Variants in SLC39A10 observed in about 807,000 individuals in gnomAD.
SLC39A10 encodes zinc transporter ZIP10.
In SLC39A10, 13 loss-of-function variants were observed where a neutral mutation model predicts 65.1. The observed-to-expected ratio is 0.20, with a 90% CI of 0.13 to 0.32. SLC39A10 has a LOEUF of 0.32. SLC39A10 is among the 10% of genes least tolerant of loss of function. SLC39A10 has a pLI of 1.00. For missense variants in SLC39A10, 831 were observed against 1,018.4 expected (o/e 0.82, Z 2.50); for synonymous variants, 321 against 342.2 (o/e 0.94, Z 0.68).
In SLC39A10 at chr2:195,735,123, C is replaced by T; in HGVS notation, c.*82C>T. On this transcript the variant is annotated 3_prime_UTR_variant, in exon 10 of 10. Transcript: ENST00000359634. The stretch of plus-strand genomic sequence containing the variant: ...TTCCTTGTACTGTATGCACATTGCT[C>T]AAAGGAAAGTCAGTGGCTTGCACTA... 2.1e-6 allele frequency: 3 copies of T among 1,403,620 alleles called. No homozygotes were observed. Among genetic ancestry groups the T allele is most frequent in the Admixed American group, 2.5e-5 (1 of 39,498 alleles). The allele number at this position is 1,403,620 out of a possible 1,614,324, so 86.9% of individuals were successfully genotyped here.
In SLC39A10 at chr2:195,680,750, A is replaced by C; in HGVS notation, c.708A>C (p.Lys236Asn). Residue 236 changes from lysine to asparagine, a missense_variant, in exon 2 of 10, where the codon AAA becomes AAC. Physicochemically the swap from Lys to Asn is moderately conservative, Grantham distance 94. Coordinates refer to ENST00000359634, the MANE Select transcript of SLC39A10 (RefSeq NM_020342.3). ...VKLPKGKRKK[K>N]GRKSNENSEV... ...TACCGAAAGGAAAGAGGAAGAAAAA[A>C]GGGAGGAAAAGTAATGAAAATTCTG... The C allele has an allele frequency of 6.2e-7, 1 of 1,614,188 alleles. No individual in the cohort carries two copies. The highest frequency in any genetic ancestry group is 8.5e-7 in the Non-Finnish European group (1 of 1,180,038).
Position 195,737,603 on chromosome 2 carries a change from GTTT to G in SLC39A10, c.*2572_*2574del, listed in dbSNP as rs5837477. ...AAAAAGCTGGAAAATATCAAATGCTGTTTTTTTTTTTTCATTGTCAACAGTGGT... is the reference window on the plus strand; with the variant it reads ...AAAAAGCTGGAAAATATCAAATGCTGTTTTTTTTTCATTGTCAACAGTGGT... On this transcript the variant is annotated 3_prime_UTR_variant, in exon 10 of 10. Transcript: ENST00000359634. 28 of 167,976 alleles carry G rather than the reference GTTT, an allele frequency of 1.7e-4. No individual in the cohort carries two copies. The highest frequency in any genetic ancestry group is 2.1e-4 in the Non-Finnish European group (17 of 79,140). The allele number at this position is 167,976 out of a possible 1,614,324, so 10.4% of individuals were successfully genotyped here. A position where few individuals can be genotyped will look rare whatever the true frequency, so the allele number is the denominator to read the frequency against.
chr2:195,709,133 T>C (rs1207083915), intron 5 of SLC39A10, among the ~76,000 whole-genome samples: 13 of 152,098 alleles, frequency 8.5e-5, no homozygotes, highest in Admixed American at 8.5e-4. Flanking sequence ...CAGGTGATCC[T>C]TTTGCCCCAG....
chr2:195,651,248 G>A (rs1159876348), intron 2 of SLC39A10, among the ~76,000 whole-genome samples: 1 of 151,970 alleles, frequency 6.6e-6, no homozygotes, highest in Non-Finnish European at 1.5e-5. Context: ...CTACCGCATG[G>A]GTCCAACTTC....
intron 2 of SLC39A10, among the ~76,000 whole-genome samples, chr2:195,647,643 T>G (rs1164121277): frequency 6.6e-6 from 1 of 151,854 alleles, no homozygotes; most frequent in Non-Finnish European, 1.5e-5. Context: ...TATACCTATA[T>G]CTAACATAGC....
chr2:195,701,736 C>T (rs1295002847), intron 3 of SLC39A10, among the ~76,000 whole-genome samples: 1 of 151,958 alleles, frequency 6.6e-6, no homozygotes, highest in Non-Finnish European at 1.5e-5. Flanking sequence ...GGCTGGAGTG[C>T]AGTGGCATGA....
At chr2:195,638,966 T>G (rs1688747321) in intron 2 of SLC39A10, among the ~76,000 whole-genome samples, 1 of 151,290 alleles carries the variant, frequency 6.6e-6, no homozygotes, top group Non-Finnish European at 1.5e-5. Flanking sequence ...TTTTTTTTGT[T>G]TTTGTTTTTG....
At chr2:195,671,099 A>G (rs754873479) in intron 1 of SLC39A10, among the ~76,000 whole-genome samples, 2 of 152,286 alleles carry the variant, frequency 1.3e-5, no homozygotes, top group Non-Finnish European at 2.9e-5. Context: ...CCCCACACCA[A>G]AGTATAATCA....
At chr2:195,624,912 TTAGTA>T (rs952427073) in intron 2 of SLC39A10, among the ~76,000 whole-genome samples, 7 of 142,164 alleles carry the variant, frequency 4.9e-5, no homozygotes, top group Non-Finnish European at 7.6e-5. Flanking sequence ...AAAAAAAAGT[TTAGTA>T]AACTTCTAAA....
At position 195,658,049 on chromosome 2, in the gene SLC39A10, C is replaced by T. The variant is rs564616581; in HGVS notation, c.-12+768C>T. On this transcript the variant is annotated intron_variant, in intron 1 of 9. Coordinates refer to ENST00000359634, the MANE Select transcript of SLC39A10 (RefSeq NM_020342.3). ...GGTGGCGCGGCCGCACGGCTTTGTTCCGGAAAGCCCTTAGGTGGAGAGCGA... is the reference window on the plus strand; with the variant it reads ...GGTGGCGCGGCCGCACGGCTTTGTTTCGGAAAGCCCTTAGGTGGAGAGCGA... The T allele has an allele frequency of 3.0e-3, 461 of 152,498 alleles. 4 individuals carry two copies. Among genetic ancestry groups the T allele is most frequent in the Non-Finnish European group, 5.4e-3 (372 of 68,262 alleles). The allele number at this position is 152,498 out of a possible 1,614,324, so 9.4% of individuals were successfully genotyped here.
At chr2:195,636,482 T>C (rs1315572107) in intron 2 of SLC39A10, among the ~76,000 whole-genome samples, 1 of 152,244 alleles carries the variant, frequency 6.6e-6, no homozygotes. Flanking sequence ...CCTGGCGCAG[T>C]GGCTCACGCC....
intron 3 of SLC39A10, among the ~76,000 whole-genome samples, chr2:195,687,545 T>C (rs1690573822): frequency 6.6e-6 from 1 of 152,234 alleles, no homozygotes; most frequent in Non-Finnish European, 1.5e-5. Flanking sequence ...AATATGTTAC[T>C]AATAGTGAAT....
At chr2:195,615,736 A>C (rs1688193029) in intron 2 of SLC39A10, among the ~76,000 whole-genome samples, 2 of 152,220 alleles carry the variant, frequency 1.3e-5, no homozygotes, top group Admixed American at 1.3e-4. Context: ...TTTCTTAAGG[A>C]AATCACACTA....
intron 9 of SLC39A10, among the ~76,000 whole-genome samples, chr2:195,730,208 A>G (rs1692390763): frequency 1.3e-5 from 2 of 152,084 alleles, no homozygotes; most frequent in Non-Finnish European, 2.9e-5. Flanking sequence ...ACCATTGACC[A>G]TGGCATCGCT....
rs1163473098 is a variant in SLC39A10 at position 195,695,303 on chromosome 2, T to C, written c.1217-11313T>C. Among the ~76,000 whole-genome samples the C allele has an allele frequency of 3.3e-5, 5 of 152,138 alleles. No homozygotes were observed. The East Asian group carries it at 9.6e-4, about 29-fold the overall frequency. On this transcript the variant is annotated intron_variant, in intron 3 of 9. Coordinates refer to ENST00000359634, the MANE Select transcript of SLC39A10 (RefSeq NM_020342.3). ...CCGCTGTGGGGGATGGGGATGTGGT[T>C]CCCAGGCCAATGGAGTTTTGTTCCC...
chr2:195,718,460 G>T, intron 8 of SLC39A10, 128 bp downstream of exon 8: 2 of 563,066 alleles, frequency 3.6e-6, no homozygotes, highest in South Asian at 2.9e-5. Context: ...GTCACTAATT[G>T]TAAGATACTT....
intron 9 of SLC39A10, among the ~76,000 whole-genome samples, chr2:195,730,580 C>G (rs1692401218): frequency 6.6e-6 from 1 of 152,222 alleles, no homozygotes; most frequent in South Asian, 2.1e-4. Flanking sequence ...ACTGGATCCT[C>G]CTCTTCTCCC....
intron 4 of SLC39A10, among the ~76,000 whole-genome samples, chr2:195,707,205 A>G (rs866831308): frequency 6.8e-4 from 104 of 152,144 alleles, no homozygotes; most frequent in African/African-American, 2.4e-3. Context: ...CTCTTTATAC[A>G]TGGGGGCATT....
chr2:195,618,366 A>T (rs890483853), intron 2 of SLC39A10, among the ~76,000 whole-genome samples: 2 of 151,990 alleles, frequency 1.3e-5, no homozygotes, highest in African/African-American at 4.8e-5. Flanking sequence ...AAAAAAAAAA[A>T]AAGAGAGAGA....
Sources: gnomAD v4.1 joint callset for allele counts (sites outside exome capture counted in the v4.1 genomes callset) on GRCh38, gnomAD v4.1.1 for gene constraint, MANE v1.5 for transcripts, NCBI Gene and HGNC (gene_info 2026-07-23, HGNC 2026-07-21) for gene names.